The following OPCML variants were observed in gnomAD, a reference collection of about 807,000 sequenced individuals.
The protein encoded by OPCML is opioid-binding protein/cell adhesion molecule.
In OPCML, 13 loss-of-function variants were observed where a neutral mutation model predicts 37.8. The ratio of observed to expected loss-of-function variants is 0.34; its 90% CI spans 0.22 to 0.55. The LOEUF (loss-of-function observed/expected upper bound fraction) is 0.55. Ranked by LOEUF, OPCML falls within the 20% of genes least tolerant of loss-of-function variation. The pLI is 0.91. For synonymous variants in OPCML, 176 were observed against 168.8 expected, an observed-to-expected ratio of 1.04 and a Z score of -0.33; for missense variants, 341 against 435.6, an observed-to-expected ratio of 0.78 and a Z score of 1.93.
At chr11:133,293,365 A>G (rs149668449) in intron 1 of OPCML, among the ~76,000 whole-genome samples, 1 of 152,208 alleles carries the variant, frequency 6.6e-6, no homozygotes, top group African/African-American at 2.4e-5. Context: ...TTTACAAAAC[A>G]CAAGAAAGTA....
chr11:133,178,317 A>G lies in OPCML; in HGVS notation c.62-235307T>C, dbSNP rs890038945. ...GTGTGTGCGTTCCTCAGATAGGAAA[A>G]TGGTGCAGAGCTTGCCAGCCACAGG... On this transcript the variant is annotated intron_variant, in intron 1 of 7. Coordinates refer to ENST00000524381, the MANE Select transcript of OPCML (RefSeq NM_001012393.5). 2.6e-5 allele frequency among the ~76,000 whole-genome samples: 4 copies of G among 152,226 alleles called. No individual in the cohort carries two copies. In the East Asian group the frequency reaches 7.7e-4, roughly 29 times the overall value.
rs955146580 is a variant in OPCML, at chr11:132,991,933, T to C, written c.62-48923A>G. Among the ~76,000 whole-genome samples the C allele has an allele frequency of 9.3e-5, 12 of 128,726 alleles. No homozygotes were observed. The Admixed American group carries it at 9.7e-4, about 10-fold the overall frequency. 84.4% of individuals were successfully genotyped at this position (128,726 alleles called of 152,430 possible). Reference sequence around the variant, plus strand: ...CAACACTGTCTGTGTAGGATCTCGGTGTTTACAGCATGTGTGAGAGGGTTT... The same window carrying C: ...CAACACTGTCTGTGTAGGATCTCGGCGTTTACAGCATGTGTGAGAGGGTTT... On this transcript the variant is annotated intron_variant, in intron 1 of 7. Transcript: ENST00000524381.
intron 2 of OPCML, among the ~76,000 whole-genome samples, chr11:132,688,666 A>T (rs911206486): frequency 2.0e-5 from 3 of 152,120 alleles, no homozygotes; most frequent in Non-Finnish European, 4.4e-5. Context: ...GCAAGAGAGC[A>T]TATTATCTAA....
At chr11:132,548,069 A>G (rs1191281904) in intron 3 of OPCML, among the ~76,000 whole-genome samples, 1 of 152,184 alleles carries the variant, frequency 6.6e-6, no homozygotes, top group Non-Finnish European at 1.5e-5. Flanking sequence ...GGAGGATTCA[A>G]AGCAAGAGAG....
At chr11:133,010,783 G>C (rs1762264595) in intron 1 of OPCML, among the ~76,000 whole-genome samples, 1 of 152,140 alleles carries the variant, frequency 6.6e-6, no homozygotes, top group Admixed American at 6.5e-5. Flanking sequence ...TTATGAGCTG[G>C]TCTTGCCAAG....
Position 132,529,052 on chromosome 11 carries a change from G to A in OPCML, c.505+9C>T. 6.3e-7 allele frequency: 1 copy of A among 1,592,752 alleles called. No individual in the cohort carries two copies. Among genetic ancestry groups the A allele is most frequent in the Non-Finnish European group, 8.6e-7 (1 of 1,161,684 alleles). The stretch of plus-strand genomic sequence containing the variant: ...ACCTCTGAAAACGTCCTCCAGGTCA[G>A]CACCTTACCCTTGACTGACAGGTGT... On this transcript the variant is annotated intron_variant, in intron 4 of 7. Coordinates refer to ENST00000524381, the MANE Select transcript of OPCML (RefSeq NM_001012393.5).
At chr11:133,184,482 G>A (rs1937983251) in intron 1 of OPCML, among the ~76,000 whole-genome samples, 1 of 152,256 alleles carries the variant, frequency 6.6e-6, no homozygotes, top group Middle Eastern at 3.4e-3. Context: ...TCCGTGGGGA[G>A]GGAAGAAGGC....
chr11:133,455,278 C>CA (rs1245977339), intron 1 of OPCML, among the ~76,000 whole-genome samples: 1 of 152,150 alleles, frequency 6.6e-6, no homozygotes, highest in Non-Finnish European at 1.5e-5. Flanking sequence ...CAGAAAACAC[C>CA]AAAAATAGTT....
chr11:132,707,008 G>A (rs1022034127), intron 2 of OPCML, among the ~76,000 whole-genome samples: 4 of 152,184 alleles, frequency 2.6e-5, no homozygotes, highest in African/African-American at 9.6e-5. Flanking sequence ...AACCTTCTGG[G>A]GATGGAAGAA....
In OPCML at chr11:133,174,639, G is replaced by GAAA. The variant is rs34411187; in HGVS notation, c.62-231632_62-231630dup. Among the ~76,000 whole-genome samples, 7 of 116,800 alleles carry GAAA rather than the reference G, an allele frequency of 6.0e-5. No individual in the cohort carries two copies. The highest frequency in any genetic ancestry group is 1.2e-4 in the African/African-American group (4 of 34,620). The allele number at this position is 116,800 out of a possible 152,430, so 76.6% of individuals were successfully genotyped here. A position where few individuals can be genotyped will look rare whatever the true frequency, so the allele number is the denominator to read the frequency against. On this transcript the variant is annotated intron_variant, in intron 1 of 7. Coordinates refer to ENST00000524381, the MANE Select transcript of OPCML (RefSeq NM_001012393.5). This position sits in a 1 kb window ranked among gnomAD's most constrained non-coding sequence, Gnocchi z 4.6. ...AAATGCTCATGGAATGCTGTTTAGT[G>GAAA]AAAAAAAAAAAAAAAAAAAGCAGGG...
At chr11:132,918,177 G>A (rs1412698758) in intron 2 of OPCML, among the ~76,000 whole-genome samples, 1 of 152,002 alleles carries the variant, frequency 6.6e-6, no homozygotes, top group Non-Finnish European at 1.5e-5. Context: ...TAACATTCAC[G>A]TTTTAAACTG....
intron 1 of OPCML, among the ~76,000 whole-genome samples, chr11:133,116,584 C>G (rs1369963260): frequency 1.3e-5 from 2 of 151,990 alleles, no homozygotes; most frequent in African/African-American, 4.8e-5. Context: ...CTATTAGATG[C>G]AGGTTATGCG....
At chr11:132,846,867 A>G (rs1386865294) in intron 2 of OPCML, among the ~76,000 whole-genome samples, 1 of 152,158 alleles carries the variant, frequency 6.6e-6, no homozygotes, top group Non-Finnish European at 1.5e-5. Flanking sequence ...CTTAGCTTCT[A>G]CTTGTTGATC....
At chr11:133,427,171 A>G (rs1445969363) in intron 1 of OPCML, among the ~76,000 whole-genome samples, 1 of 152,150 alleles carries the variant, frequency 6.6e-6, no homozygotes, top group Non-Finnish European at 1.5e-5. Flanking sequence ...CCTCATTTTC[A>G]AGTGACCACG....
intron 1 of OPCML, among the ~76,000 whole-genome samples, chr11:132,970,948 G>C (rs1465110089): frequency 6.6e-6 from 1 of 152,110 alleles, no homozygotes; most frequent in Non-Finnish European, 1.5e-5. Flanking sequence ...CAATTAAACT[G>C]TGCATTGTTT....
At chr11:132,761,892 T>C (rs973188660) in intron 2 of OPCML, among the ~76,000 whole-genome samples, 4 of 152,196 alleles carry the variant, frequency 2.6e-5, no homozygotes, top group African/African-American at 9.6e-5. Flanking sequence ...AGAGGCATTC[T>C]GGTTTTTGGA....
chr11:132,526,414 T>C (rs1214929219), intron 4 of OPCML, among the ~76,000 whole-genome samples: 7 of 152,178 alleles, frequency 4.6e-5, no homozygotes, highest in Admixed American at 2.0e-4. Flanking sequence ...ATATTAAATT[T>C]GAGTTTTGCG....
chr11:132,954,743 C>T (rs1204809140), intron 1 of OPCML, among the ~76,000 whole-genome samples: 1 of 152,080 alleles, frequency 6.6e-6, no homozygotes, highest in East Asian at 1.9e-4. Context: ...CTAATGAAGT[C>T]ACTGAGCAAG....
chr11:133,330,364 C>A (rs1235150388), intron 1 of OPCML, among the ~76,000 whole-genome samples: 1 of 152,168 alleles, frequency 6.6e-6, no homozygotes, highest in Admixed American at 6.5e-5. Context: ...ATAAATCATG[C>A]TGCTATAAAG....
Sources: gnomAD v4.1 joint callset for allele counts (sites outside exome capture counted in the v4.1 genomes callset) on GRCh38, gnomAD v4.1.1 for gene constraint, Gnocchi (gnomAD v3.1) non-coding constraint, MANE v1.5 for transcripts, NCBI Gene and HGNC (gene_info 2026-07-23, HGNC 2026-07-21) for gene names.